KIF1B: variants seen among roughly 807,000 people sequenced by gnomAD.
KIF1B encodes kinesin-like protein KIF1B.
KIF1B carries 76 observed loss-of-function variants against 241.9 expected under a neutral mutation model. The ratio of observed to expected loss-of-function variants is 0.31; its 90% CI spans 0.26 to 0.38. KIF1B has a LOEUF of 0.38. Among genes scored for constraint, KIF1B ranks in the 10% least tolerant of loss-of-function variants. KIF1B has a pLI of 1.00. For synonymous variants in KIF1B, 750 were observed against 796.7 expected (o/e 0.94, Z 0.99); for missense variants, 1,622 against 2,271.4 (o/e 0.71, Z 5.81).
chr1:10,350,171 C>T (rs1557730171), intron 37 of KIF1B, among the ~76,000 whole-genome samples: 3 of 150,342 alleles, frequency 2.0e-5, no homozygotes, highest in Non-Finnish European at 4.4e-5. Context: ...CGCCTGTAGT[C>T]CCAGGTACTC....
chr1:10,330,493 G>C (rs1010235894), intron 27 of KIF1B, among the ~76,000 whole-genome samples: 1 of 150,346 alleles, frequency 6.7e-6, no homozygotes, highest in Non-Finnish European at 1.5e-5. Context: ...AAAAAAAAAG[G>C]TGGCTCCTGT....
chr1:10,237,586 CCTGA>C (rs1375095794), intron 2 of KIF1B, among the ~76,000 whole-genome samples: 1 of 152,032 alleles, frequency 6.6e-6, no homozygotes, highest in Non-Finnish European at 1.5e-5. Flanking sequence ...TAGAAGTAGC[CCTGA>C]CTTTTTTTTC....
chr1:10,290,506 GA>G (rs1377482689), intron 15 of KIF1B, among the ~76,000 whole-genome samples: 2 of 151,806 alleles, frequency 1.3e-5, no homozygotes, highest in Non-Finnish European at 2.9e-5. Flanking sequence ...TTTTGAGATG[GA>G]GTTTTGCTCT....
intron 1 of KIF1B, among the ~76,000 whole-genome samples, chr1:10,215,279 C>G (rs776735985): frequency 6.9e-6 from 1 of 144,722 alleles, no homozygotes; most frequent in Non-Finnish European, 1.5e-5. Flanking sequence ...CAGGTTCAAG[C>G]GGTTCTCCTG....
rs548640770 is a variant in KIF1B, at chr1:10,319,250, T to A, written c.2116-793T>A. On this transcript the variant is annotated intron_variant, in intron 22 of 48. Coordinates refer to ENST00000676179, the MANE Select transcript of KIF1B (RefSeq NM_001365951.3). ...CCAAGTAGCTGGGATTATAGGCACG[T>A]GCCACCATGGCCAGCTAATTTTTGT... 8.5e-4 allele frequency among the ~76,000 whole-genome samples: 130 copies of A among 152,140 alleles called. 1 individual carries two copies. The highest frequency in any genetic ancestry group is 1.7e-3 in the South Asian group (8 of 4,816).
Position 10,348,662 on chromosome 1 carries a change from G to A in KIF1B, c.3878G>A (p.Arg1293Lys). 1.2e-6 allele frequency: 2 copies of A among 1,614,084 alleles called. No homozygotes were observed. Among genetic ancestry groups the A allele is most frequent in the Non-Finnish European group, 1.7e-6 (2 of 1,179,958 alleles). The change falls in exon 37 of 49, where the codon AGG becomes AAG. Residue 1293 changes from arginine (R) to lysine (K), a missense_variant. Transcript: ENST00000676179. ...TFLLHQGIQRRITVTIIHEKG... is the reference protein window; with the variant it reads ...TFLLHQGIQRKITVTIIHEKG... Reference sequence around the variant, plus strand: ...TTCATTACCTAGGGCATCCAGCGAAGGATCACAGTGACCATTATCCATGAG... The same window carrying A: ...TTCATTACCTAGGGCATCCAGCGAAAGATCACAGTGACCATTATCCATGAG...
At position 10,339,777 on chromosome 1, in the gene KIF1B, A is replaced by G. The variant is rs777585476; in HGVS notation, c.3431A>G (p.His1144Arg). ...ADIFCQFNFL[H>R]RHDEAFSTEP... is the part of the protein sequence containing the mutation. Reference sequence around the variant, plus strand: ...TTATTTTTTTTATGAAGCTTTTTGCATCGCCATGATGAAGCATTCTCCACG... The same window carrying G: ...TTATTTTTTTTATGAAGCTTTTTGCGTCGCCATGATGAAGCATTCTCCACG... The change falls in exon 32 of 49, where the codon CAT becomes CGT. Residue 1144 changes from histidine (H) to arginine (R), a missense_variant. Transcript: ENST00000676179. The G allele has an allele frequency of 3.1e-6, 5 of 1,613,988 alleles. No individual in the cohort carries two copies. Among genetic ancestry groups the G allele is most frequent in the Non-Finnish European group, 4.2e-6 (5 of 1,179,930 alleles).
rs1318537768 is a variant in KIF1B at position 10,291,065 on chromosome 1, T to G, written c.1435-17T>G. 5 of 1,604,892 alleles carry G rather than the reference T, an allele frequency of 3.1e-6. No homozygotes were observed. The Admixed American group carries it at 8.3e-5, about 27-fold the overall frequency. On this transcript the variant is annotated splice_polypyrimidine_tract_variant and intron_variant, in intron 15 of 48. Coordinates refer to ENST00000676179, the MANE Select transcript of KIF1B (RefSeq NM_001365951.3). Reference sequence around the variant, plus strand: ...ATAAGACTCTTTGCCTCTTTAACTGTGCGCTTCCTTCCTTAGGAATCAGAG... The same window carrying G: ...ATAAGACTCTTTGCCTCTTTAACTGGGCGCTTCCTTCCTTAGGAATCAGAG...
intron 34 of KIF1B, among the ~76,000 whole-genome samples, chr1:10,343,871 C>T (rs1299395717): frequency 6.6e-6 from 1 of 152,190 alleles, no homozygotes; most frequent in Non-Finnish European, 1.5e-5. Context: ...TTTTGATAAT[C>T]ACTCTGTTCC....
chr1:10,211,488 C>A (rs146523986), intron 1 of KIF1B: 1 of 152,294 alleles, frequency 6.6e-6, no homozygotes, highest in African/African-American at 2.4e-5. Context: ...ATTACTCGGG[C>A]AGCCATATTG....
intron 22 of KIF1B, among the ~76,000 whole-genome samples, chr1:10,318,938 A>G (rs908172087): frequency 1.3e-5 from 2 of 152,094 alleles, no homozygotes; most frequent in African/African-American, 4.8e-5. Context: ...TATACTACAT[A>G]TCTGTATACT....
chr1:10,277,694 T>A (rs1200044645), intron 12 of KIF1B, among the ~76,000 whole-genome samples: 1 of 152,230 alleles, frequency 6.6e-6, no homozygotes, highest in African/African-American at 2.4e-5. Flanking sequence ...CTCTCTACCC[T>A]TCTTCCATGA....
intron 2 of KIF1B, among the ~76,000 whole-genome samples, chr1:10,248,061 C>T (rs1017699228): frequency 3.3e-5 from 5 of 152,164 alleles, no homozygotes; most frequent in South Asian, 2.1e-4. Flanking sequence ...TGGACAGTAC[C>T]GGTCTCTGGC....
intron 21 of KIF1B, 25 bp downstream of exon 21, chr1:10,297,102 A>G (rs1466071844): frequency 8.7e-6 from 14 of 1,612,862 alleles, no homozygotes; most frequent in East Asian, 2.2e-5. Context: ...CGCAGCCCAT[A>G]TGACTGTTTC....
rs1652847709 is a variant in KIF1B, at chr1:10,352,851, C to G, written c.4055+115C>G. 4.1e-6 allele frequency: 3 copies of G among 740,496 alleles called. No homozygotes were observed. The African/African-American group carries it at 5.1e-5, about 13-fold the overall frequency. The allele number at this position is 740,496 out of a possible 1,614,324, so 45.9% of individuals were successfully genotyped here. ...TTCGGACAAAGAAATTAACTCCCTT[C>G]TCCCTTCTAGCTTCAAAAATCTCTT... On this transcript the variant is annotated intron_variant, in intron 38 of 48. Transcript: ENST00000676179.
intron 15 of KIF1B, among the ~76,000 whole-genome samples, 182 bp downstream of exon 15, chr1:10,282,715 G>T (rs1447160674): frequency 2.6e-5 from 4 of 151,754 alleles, no homozygotes; most frequent in African/African-American, 9.7e-5. Context: ...GCCTGAGTCT[G>T]ACATGGCCAG....
intron 22 of KIF1B, among the ~76,000 whole-genome samples, chr1:10,313,875 G>T (rs1407462983): frequency 6.7e-6 from 1 of 150,330 alleles, no homozygotes; most frequent in Non-Finnish European, 1.5e-5. Context: ...AAACATAAAT[G>T]TCTACTGAAA....
intron 37 of KIF1B, 47 bp downstream of exon 37, chr1:10,348,780 T>C (rs1482534964): frequency 1.0e-5 from 4 of 385,632 alleles, no homozygotes; most frequent in Non-Finnish European, 1.5e-5. Flanking sequence ...CTTACAGAGA[T>C]TTTTTTTTTT....
chr1:10,346,427 C>T lies in KIF1B; in HGVS notation c.3797+474C>T, dbSNP rs912675354. Among the ~76,000 whole-genome samples, 4 of 151,912 alleles carry T rather than the reference C, an allele frequency of 2.6e-5. No individual in the cohort carries two copies. In the East Asian group the frequency reaches 7.7e-4, roughly 29 times the overall value. ...TTGCCCAGGCTGGAGTGCAATGGCG[C>T]GATCTCAGCTCACTGCAACCTCTGC... is the stretch of plus-strand genomic sequence containing the variant. On this transcript the variant is annotated intron_variant, in intron 35 of 48. Coordinates refer to ENST00000676179, the MANE Select transcript of KIF1B (RefSeq NM_001365951.3).
Sources: allele counts gnomAD v4.1 joint callset (sites outside exome capture counted in the v4.1 genomes callset), GRCh38; gene constraint gnomAD v4.1.1; transcripts MANE v1.5; gene names NCBI Gene and HGNC (gene_info 2026-07-23, HGNC 2026-07-21).